The following ASS1 variants were observed in gnomAD, a reference collection of about 807,000 sequenced individuals.
ASS1 encodes argininosuccinate synthase 1, also known as argininosuccinate synthase.
Under a neutral mutation model 60.5 loss-of-function variants are expected in ASS1, and 58 were observed. The observed-to-expected ratio is 0.96, with a 90% CI of 0.78 to 1.19. The LOEUF (loss-of-function observed/expected upper bound fraction) is 1.19, where lower values mean the gene tolerates loss of function less well. ASS1 is among the 50% of genes most tolerant of loss of function. ASS1 has a pLI of 0.00. For missense variants in ASS1, 454 were observed against 547.3 expected (o/e 0.83, Z 1.70); for synonymous variants, 200 against 206.9 (o/e 0.97, Z 0.29).
intron 4 of ASS1, among the ~76,000 whole-genome samples, chr9:130,460,447 A>G (rs1035727604): frequency 1.3e-5 from 2 of 152,160 alleles, no homozygotes; most frequent in African/African-American, 4.8e-5. Context: ...TGGCAAGAGA[A>G]GAGAAAATGG....
chr9:130,483,649 G>A (rs534124967), intron 11 of ASS1, among the ~76,000 whole-genome samples: 6 of 150,572 alleles, frequency 4.0e-5, no homozygotes, highest in African/African-American at 1.5e-4. Context: ...CTCTTTCTCT[G>A]TCTCCTCTCT....
At chr9:130,468,906 G>T (rs1200081085) in intron 6 of ASS1, among the ~76,000 whole-genome samples, 1 of 152,228 alleles carries the variant, frequency 6.6e-6, no homozygotes, top group African/African-American at 2.4e-5. Context: ...TACAATGAGA[G>T]TGTGAGGGGA....
Position 130,495,019 on chromosome 9 carries a change from G to T in ASS1, c.1123G>T (p.Val375Leu). The T allele has an allele frequency of 6.2e-7, 1 of 1,610,314 alleles. No homozygotes were observed. ...SPLSLYNEEL[V>L]SMNVQGDYEP... ...ACTGTCTCTCTACAATGAGGAGCTG[G>T]TGAGGTAGGTGCCCCACACCTCATT... The change falls in exon 13 of 15, where the codon GTG (valine) becomes TTG (leucine). Residue 375 changes from valine to leucine, a missense_variant. Coordinates refer to ENST00000352480, the MANE Select transcript of ASS1 (RefSeq NM_054012.4).
chr9:130,492,893 G>C (rs1242433442), intron 12 of ASS1, among the ~76,000 whole-genome samples: 1 of 152,156 alleles, frequency 6.6e-6, no homozygotes, highest in Admixed American at 6.5e-5. Context: ...CCCAACCCAG[G>C]CTGGGTCCGC....
At chr9:130,493,445 G>A (rs377253211) in intron 12 of ASS1, among the ~76,000 whole-genome samples, 1 of 152,286 alleles carries the variant, frequency 6.6e-6, no homozygotes, top group East Asian at 1.9e-4. Context: ...GCTGGGATGC[G>A]GACTCACAGG....
At chr9:130,497,829 A>G (rs1846642148) in intron 13 of ASS1, among the ~76,000 whole-genome samples, 1 of 152,232 alleles carries the variant, frequency 6.6e-6, no homozygotes, top group Non-Finnish European at 1.5e-5. Flanking sequence ...CTCGGTTTCT[A>G]AAACAAGGTC....
At chr9:130,453,709 G>C (rs990718244) in intron 2 of ASS1, among the ~76,000 whole-genome samples, 2 of 152,228 alleles carry the variant, frequency 1.3e-5, no homozygotes, top group Non-Finnish European at 2.9e-5. Flanking sequence ...TGAGGGCTGA[G>C]GCCAGGATCT....
At chr9:130,484,238 G>A (rs1588499442) in intron 11 of ASS1, among the ~76,000 whole-genome samples, 1 of 152,222 alleles carries the variant, frequency 6.6e-6, no homozygotes, top group East Asian at 1.9e-4. Context: ...CTTTAGTCCA[G>A]GTGCCCTCAC....
chr9:130,448,815 C>T (rs1486021146), intron 1 of ASS1, among the ~76,000 whole-genome samples: 8 of 152,168 alleles, frequency 5.3e-5, no homozygotes, highest in African/African-American at 1.4e-4. Context: ...CCACCCACCT[C>T]GGCCGTCCAA....
intron 14 of ASS1, among the ~76,000 whole-genome samples, chr9:130,500,558 C>T (rs1313820845): frequency 6.6e-6 from 1 of 152,082 alleles, no homozygotes; most frequent in African/African-American, 2.4e-5. Context: ...CACCTCATGC[C>T]CCGAGAGATG....
At chr9:130,484,419 A>C in intron 11 of ASS1, among the ~76,000 whole-genome samples, 1 of 148,828 alleles carries the variant, frequency 6.7e-6, no homozygotes, top group East Asian at 2.0e-4. Context: ...ACCCCTGGCC[A>C]CCCCTAGATC....
chr9:130,491,694 A>T lies in ASS1; in HGVS notation c.970+2230A>T, dbSNP rs1319397299. ...CCTCTACACTGGACTGGCTGGGTTG[A>T]GTCCCTGCTCTGACAGCCAGCGACA... is the stretch of plus-strand genomic sequence containing the variant. On this transcript the variant is annotated intron_variant, in intron 12 of 14. Transcript: ENST00000352480. The surrounding 1 kb of genome is among the most constrained non-coding windows in gnomAD (Gnocchi z 5.3). 6.6e-6 allele frequency among the ~76,000 whole-genome samples: 1 copy of T among 152,242 alleles called. No individual in the cohort carries two copies. The highest frequency in any genetic ancestry group is 1.5e-5 in the Non-Finnish European group (1 of 68,030).
At chr9:130,473,194 T>G (rs1845915191) in intron 8 of ASS1, among the ~76,000 whole-genome samples, 1 of 152,180 alleles carries the variant, frequency 6.6e-6, no homozygotes, top group Non-Finnish European at 1.5e-5. Flanking sequence ...ACTTTTCTTC[T>G]TATTGCTGTG....
At chr9:130,449,224 G>C (rs1323813805) in intron 1 of ASS1, among the ~76,000 whole-genome samples, 2 of 152,012 alleles carry the variant, frequency 1.3e-5, no homozygotes, top group African/African-American at 4.8e-5. Context: ...CCAGCTACTT[G>C]GGGGTGGTGG....
At chr9:130,446,899 T>C (rs966012798) in intron 1 of ASS1, among the ~76,000 whole-genome samples, 1 of 152,182 alleles carries the variant, frequency 6.6e-6, no homozygotes, top group African/African-American at 2.4e-5. Context: ...GATGTAGCTT[T>C]GGGCAAAGTT....
chr9:130,487,125 C>T (rs1846320843), intron 11 of ASS1, among the ~76,000 whole-genome samples: 1 of 152,236 alleles, frequency 6.6e-6, no homozygotes, highest in African/African-American at 2.4e-5. Context: ...AGAGGGGCCT[C>T]TGTTCCTCCC....
chr9:130,487,230 C>T (rs879580385), intron 11 of ASS1, among the ~76,000 whole-genome samples: 64 of 152,256 alleles, frequency 4.2e-4, no homozygotes, highest in South Asian at 1.0e-3. Flanking sequence ...AACACGGTAC[C>T]GGATTGATCC....
intron 11 of ASS1, among the ~76,000 whole-genome samples, chr9:130,485,728 T>TA (rs1846292332): frequency 6.6e-6 from 1 of 152,222 alleles, no homozygotes. Flanking sequence ...CCGATATGTA[T>TA]CCAGTTCTAG....
Position 130,490,578 on chromosome 9 carries a change from T to C in ASS1, c.970+1114T>C, listed in dbSNP as rs554059271. ...ATCCGCCCGTCTTGGCCTCCCAAAG[T>C]GCTAGGATTACAGGCATGAGCCACT... On this transcript the variant is annotated intron_variant, in intron 12 of 14. Transcript: ENST00000352480. 7.7e-4 allele frequency among the ~76,000 whole-genome samples: 118 copies of C among 152,288 alleles called. 3 individuals carry two copies. Among genetic ancestry groups the C allele is most frequent in the African/African-American group, 2.8e-3 (117 of 41,536 alleles).
Sources: gnomAD v4.1 joint callset for allele counts (sites outside exome capture counted in the v4.1 genomes callset) on GRCh38, gnomAD v4.1.1 for gene constraint, Gnocchi (gnomAD v3.1) non-coding constraint, MANE v1.5 for transcripts, NCBI Gene and HGNC (gene_info 2026-07-23, HGNC 2026-07-21) for gene names.